The following TNRC6B variants were observed in gnomAD, a reference collection of about 807,000 sequenced individuals.
The protein encoded by TNRC6B is trinucleotide repeat containing adaptor 6B.
Under a neutral mutation model 203.6 loss-of-function variants are expected in TNRC6B, and 52 were observed. The observed-to-expected ratio is 0.26, with a 90% CI of 0.20 to 0.32. The LOEUF is 0.32. Among genes scored for constraint, TNRC6B ranks in the 10% least tolerant of loss-of-function variants. The pLI is 1.00. For synonymous variants in TNRC6B, 838 were observed against 845.7 expected, an observed-to-expected ratio of 0.99 and a Z score of 0.16; for missense variants, 1,923 against 2,286.2, an observed-to-expected ratio of 0.84 and a Z score of 3.24.
intron 1 of TNRC6B, among the ~76,000 whole-genome samples, chr22:40,206,236 T>G (rs1488657588): frequency 6.6e-6 from 1 of 152,188 alleles, no homozygotes; most frequent in East Asian, 1.9e-4. Context: ...ATTAAAGAAC[T>G]TATTGGTGTA....
intron 3 of TNRC6B, among the ~76,000 whole-genome samples, chr22:40,150,681 C>A (rs913797077): frequency 4.6e-5 from 7 of 152,204 alleles, no homozygotes; most frequent in Non-Finnish European, 1.5e-5. Flanking sequence ...ACAGAACTTA[C>A]ATAAAAGGCT....
intron 19 of TNRC6B, 24 bp downstream of exon 19, chr22:40,313,021 C>T (rs1460698894): frequency 1.5e-5 from 24 of 1,587,384 alleles, no homozygotes; most frequent in Non-Finnish European, 1.8e-5. Context: ...TTTTTTGTTT[C>T]CCTTTGGTTA....
rs1213979521 is a variant in TNRC6B, at chr22:40,323,336, A to T, written c.*95A>T. On this transcript the variant is annotated 3_prime_UTR_variant, in exon 23 of 23. Coordinates refer to ENST00000454349, the MANE Select transcript of TNRC6B (RefSeq NM_001162501.2). ...TTTTTTTTTTCAACTTGCAATAAATACATTTTTAAAAGGAAAAAAGAAAAC... is the reference window on the plus strand; with the variant it reads ...TTTTTTTTTTCAACTTGCAATAAATTCATTTTTAAAAGGAAAAAAGAAAAC... 7.0e-7 allele frequency: 1 copy of T among 1,427,856 alleles called. No individual in the cohort carries two copies. Among genetic ancestry groups the T allele is most frequent in the Admixed American group, 2.4e-5 (1 of 41,690 alleles). The allele number at this position is 1,427,856 out of a possible 1,614,324, so 88.4% of individuals were successfully genotyped here.
intron 1 of TNRC6B, among the ~76,000 whole-genome samples, chr22:40,191,879 T>G (rs962876507): frequency 5.9e-5 from 9 of 152,228 alleles, no homozygotes; most frequent in African/African-American, 2.2e-4. Flanking sequence ...GCCTCCCCAG[T>G]AGCTGGGATT....
At chr22:40,114,525 G>A (rs905814373) in intron 1 of TNRC6B, among the ~76,000 whole-genome samples, 1 of 152,064 alleles carries the variant, frequency 6.6e-6, no homozygotes, top group Non-Finnish European at 1.5e-5. Context: ...GTCTTCCTGT[G>A]TTGCTCAGGC....
intron 6 of TNRC6B, 76 bp from the exon 7 acceptor site, chr22:40,273,348 GC>G: frequency 1.5e-6 from 2 of 1,317,244 alleles, no homozygotes; most frequent in African/African-American, 1.5e-5. Flanking sequence ...CGTAAATGCT[GC>G]ATCTGCAAGG....
chr22:40,146,709 G>A (rs527870971), intron 3 of TNRC6B, among the ~76,000 whole-genome samples: 118 of 151,934 alleles, frequency 7.8e-4, no homozygotes, highest in Admixed American at 2.7e-3. Flanking sequence ...ACAGGCGCCC[G>A]CCGCCATGCC....
chr22:40,320,821 G>A (rs933515872), intron 21 of TNRC6B, among the ~76,000 whole-genome samples: 3 of 152,138 alleles, frequency 2.0e-5, no homozygotes, highest in Non-Finnish European at 4.4e-5. Flanking sequence ...AGGAATACAT[G>A]AGCAGTGATG....
intron 1 of TNRC6B, among the ~76,000 whole-genome samples, chr22:40,210,689 CAT>C (rs1204878766): frequency 6.6e-6 from 1 of 152,220 alleles, no homozygotes; most frequent in Non-Finnish European, 1.5e-5. Flanking sequence ...AAACTATTAA[CAT>C]ATTGTTGGTA....
At chr22:40,229,408 G>A (rs1295035039) in intron 1 of TNRC6B, among the ~76,000 whole-genome samples, 2 of 152,014 alleles carry the variant, frequency 1.3e-5, no homozygotes, top group Non-Finnish European at 2.9e-5. Flanking sequence ...GGTTCTGCCA[G>A]GGAAATGGGC....
intron 18 of TNRC6B, 86 bp downstream of exon 18, chr22:40,312,737 C>G: frequency 6.5e-7 from 1 of 1,527,456 alleles, no homozygotes; most frequent in Non-Finnish European, 8.9e-7. Context: ...CTTGCTGGTA[C>G]CTAAAAGTTT....
chr22:40,088,943 A>T (rs115880548), intron 1 of TNRC6B, among the ~76,000 whole-genome samples: 1 of 152,142 alleles, frequency 6.6e-6, no homozygotes, highest in African/African-American at 2.4e-5. Flanking sequence ...CGAACTTTAC[A>T]TTCTTAGTGG....
rs144526285 is a variant in TNRC6B at position 40,193,175 on chromosome 22, G to C, written c.5+15035G>C. On this transcript the variant is annotated intron_variant, in intron 1 of 22. Transcript: ENST00000454349. ...GAGCGCATTGTTCATCCTGCTTCTT[G>C]TTGTCGCGTGGCAAAGTCTCCTCAA... 2.0e-3 allele frequency among the ~76,000 whole-genome samples: 310 copies of C among 152,274 alleles called. 2 individuals carry two copies. The highest frequency in any genetic ancestry group is 3.5e-3 in the Admixed American group (54 of 15,294).
At chr22:40,048,194 T>G (rs903978858) in intron 1 of TNRC6B, among the ~76,000 whole-genome samples, 8 of 152,186 alleles carry the variant, frequency 5.3e-5, no homozygotes, top group African/African-American at 1.9e-4. Context: ...CAGTCATTCT[T>G]TAAACTTTTG....
At chr22:40,156,245 ATGC>A in intron 4 of TNRC6B, 2 of 1,483,536 alleles carry the variant, frequency 1.3e-6, no homozygotes, top group South Asian at 2.4e-5. Flanking sequence ...TTGGTTCAAC[ATGC>A]TGATAAGCGT....
At chr22:40,177,459 T>C (rs2146375598), upstream of TNRC6B, among the ~76,000 whole-genome samples, 1 of 152,350 alleles carries the variant, frequency 6.6e-6, no homozygotes, top group South Asian at 2.1e-4. Context: ...TTTCAGTCTT[T>C]TTCTATACAT....
intron 1 of TNRC6B, chr22:40,106,422 G>T: frequency 2.1e-6 from 2 of 968,372 alleles, no homozygotes; most frequent in Non-Finnish European, 3.3e-6. Flanking sequence ...GCCTCATGGA[G>T]AAGATAATTT....
chr22:40,081,015 C>G (rs2068059657), intron 1 of TNRC6B, among the ~76,000 whole-genome samples: 2 of 152,120 alleles, frequency 1.3e-5, no homozygotes, highest in South Asian at 4.1e-4. Flanking sequence ...TGTCACCACA[C>G]TGGCTAATTT....
intron 2 of TNRC6B, among the ~76,000 whole-genome samples, chr22:40,123,747 C>G (rs1208932941): frequency 6.6e-6 from 1 of 152,094 alleles, no homozygotes; most frequent in Non-Finnish European, 1.5e-5. Flanking sequence ...TTCAGCTATG[C>G]CTATAATGAA....
Sources: gnomAD v4.1 joint callset for allele counts (sites outside exome capture counted in the v4.1 genomes callset) on GRCh38, gnomAD v4.1.1 for gene constraint, MANE v1.5 for transcripts, NCBI Gene and HGNC (gene_info 2026-07-23, HGNC 2026-07-21) for gene names.